The following USH2A variants were observed in gnomAD, a reference collection of about 807,000 sequenced individuals.
USH2A encodes Usher syndrome 2A (autosomal recessive, mild).
Under a neutral mutation model 538.9 loss-of-function variants are expected in USH2A, and 443 were observed. That is an observed-to-expected ratio of 0.82 (90% confidence interval 0.76 to 0.89). USH2A has a LOEUF of 0.89. USH2A is among the 40% of genes least tolerant of loss of function. The pLI is 0.00. For synonymous variants in USH2A, 2,413 were observed against 2,273.5 expected (o/e 1.06, Z -1.75); for missense variants, 6,633 against 6,324.8 (o/e 1.05, Z -1.65).
chr1:215,724,901 C>T (rs1198047371), intron 61 of USH2A, among the ~76,000 whole-genome samples: 2 of 152,080 alleles, frequency 1.3e-5, no homozygotes, highest in Non-Finnish European at 2.9e-5. Flanking sequence ...CCCCTTTGTG[C>T]TATTATGGAG....
At chr1:216,108,505 A>C (rs1224242932) in intron 21 of USH2A, among the ~76,000 whole-genome samples, 2 of 151,722 alleles carry the variant, frequency 1.3e-5, no homozygotes, top group East Asian at 3.9e-4. Flanking sequence ...AGGTTGTTTC[A>C]TCATCAAATT....
At chr1:215,890,179 C>T (rs1665172817) in intron 40 of USH2A, among the ~76,000 whole-genome samples, 1 of 152,076 alleles carries the variant, frequency 6.6e-6, no homozygotes. Flanking sequence ...AATACTGTAT[C>T]CCCCCTTTTC....
At chr1:216,384,350 C>T (rs1436089338) in intron 3 of USH2A, among the ~76,000 whole-genome samples, 4 of 151,706 alleles carry the variant, frequency 2.6e-5, no homozygotes, top group Non-Finnish European at 5.9e-5. Context: ...GCTAATAAGC[C>T]TATGTAAGGT....
intron 20 of USH2A, among the ~76,000 whole-genome samples, chr1:216,181,087 C>T (rs2034485198): frequency 6.6e-6 from 1 of 152,086 alleles, no homozygotes; most frequent in Non-Finnish European, 1.5e-5. Flanking sequence ...TATATTTTGC[C>T]ACTTTCTTCT....
rs1291772789 is a variant in USH2A, at chr1:216,078,108, T to TA, written c.5552_5553insT (p.Gln1851HisfsTer17). On this transcript the variant is annotated frameshift_variant, in exon 27 of 72. Transcript: ENST00000307340. LOFTEE classifies it high-confidence loss of function. ...ACTTACCTTGTTCCAAACACAAATG[T>TA]TGATAAGAGTTCAGCAGTTCCTGTG... 1.9e-6 allele frequency: 3 copies of TA among 1,613,630 alleles called. No individual in the cohort carries two copies. In the African/African-American group the frequency reaches 4.0e-5, roughly 22 times the overall value.
At position 215,977,237 on chromosome 1, in the gene USH2A, G is replaced by A. The variant is rs373427925; in HGVS notation, c.6806-6461C>T. On this transcript the variant is annotated intron_variant, in intron 35 of 71. Transcript: ENST00000307340. ...AATAAAAAAAATCTTTGCTAGCTTC[G>A]AGTTTAGTTTGTTCTTCTAGGTGAG... is the stretch of plus-strand genomic sequence containing the variant. 2.0e-4 allele frequency among the ~76,000 whole-genome samples: 30 copies of A among 152,006 alleles called. No homozygotes were observed. In the South Asian group the frequency reaches 3.7e-3, roughly 19 times the overall value.
chr1:216,138,918 A>ATGTG (rs534404810), intron 21 of USH2A, among the ~76,000 whole-genome samples: 4,362 of 148,792 alleles, frequency 0.029, 95 homozygotes, highest in African/African-American at 0.072. Flanking sequence ...GCATATATTA[A>ATGTG]TGTGTGTGTG....
chr1:215,939,206 AG>A (rs1447331773), intron 37 of USH2A, among the ~76,000 whole-genome samples: 20 of 152,312 alleles, frequency 1.3e-4, no homozygotes, highest in African/African-American at 4.8e-4. Context: ...GAAGATGCAG[AG>A]GAAGAAAAGA....
intron 21 of USH2A, among the ~76,000 whole-genome samples, chr1:216,148,983 T>C (rs1339996194): frequency 1.3e-5 from 2 of 152,166 alleles, no homozygotes; most frequent in Non-Finnish European, 2.9e-5. Context: ...TATTTCGGCA[T>C]AATTCTCATA....
intron 4 of USH2A, among the ~76,000 whole-genome samples, chr1:216,356,183 C>T (rs1335504493): frequency 1.3e-5 from 2 of 151,982 alleles, no homozygotes; most frequent in Non-Finnish European, 2.9e-5. Context: ...ATTGTATGTA[C>T]AATGAGTTAA....
intron 19 of USH2A, 70 bp from the exon 20 acceptor site, chr1:216,190,437 G>T: frequency 1.3e-6 from 2 of 1,571,190 alleles, no homozygotes; most frequent in Non-Finnish European, 1.7e-6. Context: ...TATAACCTTG[G>T]CAGTCAAAGT....
intron 4 of USH2A, among the ~76,000 whole-genome samples, chr1:216,339,325 G>A (rs1297702304): frequency 6.6e-6 from 1 of 151,302 alleles, no homozygotes; most frequent in Non-Finnish European, 1.5e-5. Context: ...AAAGATAACA[G>A]CATGTGTTAT....
chr1:216,322,632 G>T (rs1276340518), intron 8 of USH2A, among the ~76,000 whole-genome samples: 2 of 149,580 alleles, frequency 1.3e-5, no homozygotes, highest in African/African-American at 2.5e-5. Flanking sequence ...AAAGAAAAAA[G>T]AATATAAAGT....
intron 71 of USH2A, among the ~76,000 whole-genome samples, chr1:215,628,116 A>G (rs919664774): frequency 6.6e-5 from 10 of 152,188 alleles, no homozygotes; most frequent in Non-Finnish European, 1.5e-5. Context: ...ACCTGTTGAT[A>G]CAAAATATTC....
intron 20 of USH2A, among the ~76,000 whole-genome samples, chr1:216,175,829 G>C (rs2034368530): frequency 6.6e-6 from 1 of 152,110 alleles, no homozygotes; most frequent in Non-Finnish European, 1.5e-5. Flanking sequence ...CTACCAAGCA[G>C]GTACCCCAAT....
intron 32 of USH2A, among the ~76,000 whole-genome samples, chr1:216,040,295 T>C (rs998985990): frequency 3.3e-5 from 5 of 152,004 alleles, no homozygotes; most frequent in Non-Finnish European, 5.9e-5. Flanking sequence ...GAGATAGTTG[T>C]TATTTTTCTA....
intron 46 of USH2A, among the ~76,000 whole-genome samples, chr1:215,838,404 T>C (rs1663588401): frequency 6.6e-6 from 1 of 152,198 alleles, no homozygotes; most frequent in African/African-American, 2.4e-5. Context: ...AGTCAAGGAA[T>C]GGAAGATGCC....
At chr1:216,111,455 T>G (rs1172715016) in intron 21 of USH2A, among the ~76,000 whole-genome samples, 1 of 152,092 alleles carries the variant, frequency 6.6e-6, no homozygotes, top group Admixed American at 6.6e-5. Context: ...ATTCTTCAAA[T>G]CCTGCTAGGA....
At chr1:216,391,233 C>A (rs1488688939) in intron 3 of USH2A, among the ~76,000 whole-genome samples, 1 of 152,172 alleles carries the variant, frequency 6.6e-6, no homozygotes, top group Non-Finnish European at 1.5e-5. Flanking sequence ...GCAGCTCATC[C>A]AGTCCAATAG....
Sources: gnomAD v4.1 joint callset for allele counts (sites outside exome capture counted in the v4.1 genomes callset) on GRCh38, gnomAD v4.1.1 for gene constraint, MANE v1.5 for transcripts, NCBI Gene and HGNC (gene_info 2026-07-23, HGNC 2026-07-21) for gene names.